The following ITPRID1 variants were observed in gnomAD, a reference collection of about 807,000 sequenced individuals.
ITPRID1 encodes the protein ITPR interacting domain containing 1, also known as protein ITPRID1.
A neutral mutation model predicts 95.4 loss-of-function variants in ITPRID1; 96 were observed. The observed-to-expected ratio is 1.01, with a 90% CI of 0.85 to 1.19. The LOEUF is 1.19. Ranked by LOEUF, ITPRID1 falls within the 50% of genes most tolerant of loss-of-function variation. The probability of loss-of-function intolerance (pLI) is 0.00; values close to 1 mark genes in which losing one functional copy is unlikely to be tolerated. For missense variants in ITPRID1, 1,339 were observed against 1,252.9 expected (o/e 1.07, Z -1.04); for synonymous variants, 510 against 453.6 (o/e 1.12, Z -1.58).
intron 1 of ITPRID1, among the ~76,000 whole-genome samples, chr7:31,516,223 C>T (rs564761678): frequency 6.6e-6 from 1 of 152,190 alleles, no homozygotes; most frequent in South Asian, 2.1e-4. Flanking sequence ...GCATAATCAC[C>T]TGGATGTCTT....
intron 9 of ITPRID1, among the ~76,000 whole-genome samples, chr7:31,579,693 G>A (rs1381816168): frequency 1.3e-5 from 2 of 152,158 alleles, no homozygotes; most frequent in African/African-American, 4.8e-5. Context: ...TATTGGCATA[G>A]CTGCATCCCA....
chr7:31,553,045 A>G lies in ITPRID1; in HGVS notation c.21A>G (p.Gln7=). The change falls in exon 3 of 15, where the codon CAA becomes CAG. Residue 7 remains glutamine (Q), a synonymous_variant. Coordinates refer to ENST00000615280, the MANE Select transcript of ITPRID1 (RefSeq NM_001257967.3). The stretch of plus-strand genomic sequence containing the variant: ...CTCCTATGATGGCACAGAAATCACA[A>G]GGATCTGACAACCTTCAGGAAGGCC... MMAQKS[Q]GSDNLQEGQE... is the part of the protein sequence containing the mutation. The G allele has an allele frequency of 6.2e-7, 1 of 1,610,024 alleles. No individual in the cohort carries two copies. The highest frequency in any genetic ancestry group is 8.5e-7 in the Non-Finnish European group (1 of 1,178,052).
At chr7:31,573,089 C>T (rs1218729778) in intron 7 of ITPRID1, among the ~76,000 whole-genome samples, 5 of 152,140 alleles carry the variant, frequency 3.3e-5, no homozygotes, top group African/African-American at 4.8e-5. Flanking sequence ...CCTGATTCCC[C>T]TGGTAATCCC....
intron 10 of ITPRID1, among the ~76,000 whole-genome samples, chr7:31,597,696 T>G (rs928236866): frequency 3.9e-5 from 6 of 152,072 alleles, no homozygotes; most frequent in Non-Finnish European, 7.4e-5. Flanking sequence ...CAAAAAGAAA[T>G]AAATCTTCAC....
At chr7:31,617,541 T>C (rs1172361616) in intron 10 of ITPRID1, among the ~76,000 whole-genome samples, 4 of 152,106 alleles carry the variant, frequency 2.6e-5, no homozygotes, top group African/African-American at 4.8e-5. Context: ...AGATAAGAGT[T>C]CAGACAAAAT....
Position 31,643,517 on chromosome 7 carries a change from T to G in ITPRID1, c.2147T>G (p.Leu716Arg). Residue 716 changes from leucine to arginine, a missense_variant, in exon 12 of 15, where the codon CTG becomes CGG. Transcript: ENST00000615280. ...GTAATGACCCAGATGTCCTCCAGCC[T>G]GGTGTCGGCTGCTCAGAGGGCTGTG... ...RSVMTQMSSS[L>R]VSAAQRAVAL... 1 of 1,614,018 alleles carries G rather than the reference T, an allele frequency of 6.2e-7. No individual in the cohort carries two copies. The highest frequency in any genetic ancestry group is 8.5e-7 in the Non-Finnish European group (1 of 1,179,908).
intron 14 of ITPRID1, among the ~76,000 whole-genome samples, chr7:31,652,290 G>A (rs1490948267): frequency 1.3e-5 from 2 of 152,118 alleles, no homozygotes; most frequent in Non-Finnish European, 2.9e-5. Context: ...GTACATCATA[G>A]AGAAGTCCTA....
rs1375612034 is a variant in ITPRID1 at position 31,654,166 on chromosome 7, C to T, written c.*1337C>T. Among the ~76,000 whole-genome samples, 3 of 151,918 alleles carry T rather than the reference C, an allele frequency of 2.0e-5. No homozygotes were observed. The highest frequency in any genetic ancestry group is 2.9e-5 in the Non-Finnish European group (2 of 68,020). ...ATGTGGAGTAAAACTGTACTGCATT[C>T]ATCAGGGTGCCTGTGGAAGGCCTTG... On this transcript the variant is annotated 3_prime_UTR_variant, in exon 15 of 15. Coordinates refer to ENST00000615280, the MANE Select transcript of ITPRID1 (RefSeq NM_001257967.3).
In ITPRID1 at chr7:31,643,808, C is replaced by T. The variant is rs1244025130; in HGVS notation, c.2438C>T (p.Pro813Leu). ...TGCTGCATCTGCTGTCATCACCACCCTCACTGCCACGGGGAGAGGCAAAGC... is the reference window on the plus strand; with the variant it reads ...TGCTGCATCTGCTGTCATCACCACCTTCACTGCCACGGGGAGAGGCAAAGC... Reference protein sequence around the residue: ...AHCCICCHHHPHCHGERQSPG... With the variant: ...AHCCICCHHHLHCHGERQSPG... Residue 813 changes from proline (P) to leucine (L), a missense_variant, in exon 12 of 15, where the codon CCT becomes CTT. Pro to Leu is a moderately conservative substitution (Grantham distance 98, BLOSUM62 -3). Coordinates refer to ENST00000615280, the MANE Select transcript of ITPRID1 (RefSeq NM_001257967.3). 1 of 1,613,996 alleles carries T rather than the reference C, an allele frequency of 6.2e-7. No homozygotes were observed. Among genetic ancestry groups the T allele is most frequent in the East Asian group, 2.2e-5 (1 of 44,870 alleles).
At chr7:31,531,959 C>A (rs539867054) in intron 1 of ITPRID1, among the ~76,000 whole-genome samples, 4 of 152,068 alleles carry the variant, frequency 2.6e-5, no homozygotes, top group Non-Finnish European at 5.9e-5. Context: ...AAGGTAATAG[C>A]GTACAACTGC....
At position 31,572,206 on chromosome 7, in the gene ITPRID1, G is replaced by A; in HGVS notation, c.395+18G>A. On this transcript the variant is annotated intron_variant, in intron 7 of 14. Coordinates refer to ENST00000615280, the MANE Select transcript of ITPRID1 (RefSeq NM_001257967.3). The stretch of plus-strand genomic sequence containing the variant: ...CCACAAAGGTATGTAATTTCCAGGT[G>A]CTTTTCATCCTGAGAAATCATTCTG... 1 of 1,517,872 alleles carries A rather than the reference G, an allele frequency of 6.6e-7. No individual in the cohort carries two copies. The highest frequency in any genetic ancestry group is 9.1e-7 in the Non-Finnish European group (1 of 1,097,954). 94.0% of individuals were successfully genotyped at this position (1,517,872 alleles called of 1,614,324 possible). A position where few individuals can be genotyped will look rare whatever the true frequency, so the allele number is the denominator to read the frequency against.
chr7:31,640,128 C>T (rs912185647), intron 10 of ITPRID1, among the ~76,000 whole-genome samples: 7 of 152,132 alleles, frequency 4.6e-5, no homozygotes, highest in African/African-American at 1.4e-4. Context: ...TAGGTGGGAC[C>T]AGAGCAGCGG....
chr7:31,645,778 C>T (rs1459067574), intron 12 of ITPRID1, among the ~76,000 whole-genome samples: 1 of 152,136 alleles, frequency 6.6e-6, no homozygotes, highest in Non-Finnish European at 1.5e-5. Flanking sequence ...TTGCTACTGG[C>T]AACAAGTGGG....
chr7:31,583,157 T>G lies in ITPRID1; in HGVS notation c.1194T>G (p.Thr398=), dbSNP rs950778461. Residue 398 remains threonine, a synonymous_variant, in exon 10 of 15, where the codon ACT becomes ACG. Transcript: ENST00000615280. ...MEEVQSFEEE[T]GNPLDMTSGT... The stretch of plus-strand genomic sequence containing the variant: ...AGGTCCAAAGCTTTGAAGAAGAGAC[T>G]GGTAATCCTCTTGACATGACTTCAG... The G allele has an allele frequency of 3.1e-6, 5 of 1,611,880 alleles. No individual in the cohort carries two copies. In the African/African-American group the frequency reaches 6.7e-5, roughly 22 times the overall value.
chr7:31,645,893 A>C (rs113114385), intron 12 of ITPRID1, among the ~76,000 whole-genome samples: 2,339 of 152,280 alleles, frequency 0.015, 24 homozygotes, highest in Non-Finnish European at 0.023. Flanking sequence ...TGTAAAACTC[A>C]GCTCTAAGAG....
intron 8 of ITPRID1, among the ~76,000 whole-genome samples, chr7:31,575,523 G>A (rs753957566): frequency 2.6e-5 from 4 of 152,164 alleles, no homozygotes; most frequent in South Asian, 2.1e-4. Flanking sequence ...GCTTTGCAGC[G>A]TAATAGGTTT....
intron 1 of ITPRID1, among the ~76,000 whole-genome samples, chr7:31,544,254 T>C (rs1784023496): frequency 6.6e-6 from 1 of 152,110 alleles, no homozygotes; most frequent in African/African-American, 2.4e-5. Flanking sequence ...AGATTCCTAG[T>C]TGACCAGTTA....
intron 1 of ITPRID1, among the ~76,000 whole-genome samples, chr7:31,531,356 T>A (rs150031845): frequency 3.3e-5 from 5 of 152,326 alleles, no homozygotes; most frequent in Admixed American, 3.3e-4. Context: ...AGTACCTAAT[T>A]TTCTGATTAT....
chr7:31,532,899 A>G (rs886799218), intron 1 of ITPRID1, among the ~76,000 whole-genome samples: 3 of 152,182 alleles, frequency 2.0e-5, no homozygotes, highest in Non-Finnish European at 4.4e-5. Flanking sequence ...TCCATTTTAC[A>G]TATGGCTGGA....
Sources: allele counts gnomAD v4.1 joint callset (sites outside exome capture counted in the v4.1 genomes callset), GRCh38; gene constraint gnomAD v4.1.1; transcripts MANE v1.5; gene names NCBI Gene and HGNC (gene_info 2026-07-23, HGNC 2026-07-21).